LOXHD1: variants seen among roughly 807,000 people sequenced by gnomAD.
LOXHD1 encodes the protein lipoxygenase homology domain-containing protein 1.
Under a neutral mutation model 248.2 loss-of-function variants are expected in LOXHD1, and 205 were observed. The observed-to-expected ratio is 0.83, with a 90% confidence interval of 0.74 to 0.93. LOXHD1 has a LOEUF of 0.93. Among genes scored for constraint, LOXHD1 ranks in the 40% least tolerant of loss-of-function variants. The probability of loss-of-function intolerance (pLI) is 0.00; values close to 1 mark genes in which losing one functional copy is unlikely to be tolerated. For synonymous variants in LOXHD1, 1,113 were observed against 1,162.8 expected, an observed-to-expected ratio of 0.96 and a Z score of 0.87; for missense variants, 2,930 against 2,971.6, an observed-to-expected ratio of 0.99 and a Z score of 0.33.
chr18:46,559,876 G>A (rs2037475063), intron 19 of LOXHD1, among the ~76,000 whole-genome samples: 1 of 152,208 alleles, frequency 6.6e-6, no homozygotes, highest in Admixed American at 6.5e-5. Context: ...GAGAACCTCA[G>A]AACAAGCGCC....
chr18:46,632,593 T>G lies in LOXHD1; in HGVS notation c.511+7023A>C, dbSNP rs1285414733. ...GCCATTCCCGGCAGGATGGAAGAAATCCACCAGGAAGACAGTCACACACAT... is the reference window on the plus strand; with the variant it reads ...GCCATTCCCGGCAGGATGGAAGAAAGCCACCAGGAAGACAGTCACACACAT... On this transcript the variant is annotated intron_variant, in intron 4 of 40. Coordinates refer to ENST00000642948, the MANE Select transcript of LOXHD1 (RefSeq NM_001384474.1). Among the ~76,000 whole-genome samples the G allele has an allele frequency of 2.0e-5, 3 of 151,940 alleles. No homozygotes were observed. The East Asian group carries it at 5.8e-4, about 30-fold the overall frequency.
chr18:46,560,043 GCCAC>G, intron 19 of LOXHD1, 36 bp downstream of exon 19: 2 of 1,401,422 alleles, frequency 1.4e-6, no homozygotes, highest in Non-Finnish European at 2.0e-6. Flanking sequence ...GAACTGTCTG[GCCAC>G]TCCCTCCCCA....
At chr18:46,650,912 C>T (rs2039102641) in intron 1 of LOXHD1, among the ~76,000 whole-genome samples, 1 of 152,156 alleles carries the variant, frequency 6.6e-6, no homozygotes, top group African/African-American at 2.4e-5. Context: ...GTGCCAGCCT[C>T]TCTGTAACAC....
chr18:46,577,342 A>T (rs1469397030), intron 14 of LOXHD1, among the ~76,000 whole-genome samples: 1 of 152,050 alleles, frequency 6.6e-6, no homozygotes, highest in Non-Finnish European at 1.5e-5. Context: ...TATTTAAATT[A>T]AAAAAAAACT....
intron 37 of LOXHD1, among the ~76,000 whole-genome samples, chr18:46,503,782 G>A (rs905703923): frequency 3.9e-5 from 6 of 152,266 alleles, no homozygotes; most frequent in African/African-American, 7.2e-5. Flanking sequence ...AGACTAACCC[G>A]GATACACCCT....
At chr18:46,487,002 G>T (rs138763912) in intron 38 of LOXHD1, among the ~76,000 whole-genome samples, 1 of 152,202 alleles carries the variant, frequency 6.6e-6, no homozygotes, top group Non-Finnish European at 1.5e-5. Context: ...TTTGTTCACA[G>T]GTTGCTGGGA....
At chr18:46,494,329 A>C (rs1189959271) in intron 37 of LOXHD1, among the ~76,000 whole-genome samples, 1 of 152,220 alleles carries the variant, frequency 6.6e-6, no homozygotes, top group Non-Finnish European at 1.5e-5. Context: ...TTTACTTTCT[A>C]AAGTGAACTG....
chr18:46,630,559 G>C (rs905146614), intron 4 of LOXHD1, among the ~76,000 whole-genome samples: 1 of 152,108 alleles, frequency 6.6e-6, no homozygotes, highest in South Asian at 2.1e-4. Flanking sequence ...ATCTTATCAG[G>C]CCTTGCCTAA....
At chr18:46,564,337 A>G (rs563236708) in intron 17 of LOXHD1, among the ~76,000 whole-genome samples, 25 of 152,280 alleles carry the variant, frequency 1.6e-4, no homozygotes, top group African/African-American at 6.0e-4. Flanking sequence ...CAGCCTGGGC[A>G]ACACAACAAG....
At chr18:46,478,908 G>A (rs954867047) in intron 40 of LOXHD1, among the ~76,000 whole-genome samples, 1 of 152,046 alleles carries the variant, frequency 6.6e-6, no homozygotes, top group African/African-American at 2.4e-5. Flanking sequence ...ATGCTTCCCA[G>A]GCTAATCTTA....
chr18:46,502,683 G>A (rs995882347), intron 37 of LOXHD1, among the ~76,000 whole-genome samples: 13 of 152,116 alleles, frequency 8.5e-5, no homozygotes, highest in Admixed American at 5.9e-4. Flanking sequence ...TTTCTACAGA[G>A]TATGGTCCTT....
At chr18:46,544,295 T>C (rs532196253) in intron 23 of LOXHD1, among the ~76,000 whole-genome samples, 5 of 152,340 alleles carry the variant, frequency 3.3e-5, no homozygotes, top group Non-Finnish European at 4.4e-5. Flanking sequence ...GGACAGGTCT[T>C]AGTCCCTTCC....
At chr18:46,572,033 G>T in intron 15 of LOXHD1, 53 bp downstream of exon 15, 1 of 1,437,390 alleles carries the variant, frequency 7.0e-7, no homozygotes. Flanking sequence ...GCTGAGGGAA[G>T]GCCCCTGTCT....
chr18:46,651,147 CAGG>C (rs1478234244), intron 1 of LOXHD1, among the ~76,000 whole-genome samples: 1 of 152,218 alleles, frequency 6.6e-6, no homozygotes, highest in Non-Finnish European at 1.5e-5. Context: ...AGAAGCCCTG[CAGG>C]AGACCTCTCA....
intron 25 of LOXHD1, 100 bp downstream of exon 25, chr18:46,541,676 C>A: frequency 1.5e-6 from 2 of 1,374,796 alleles, no homozygotes; most frequent in Non-Finnish European, 2.0e-6. Context: ...CAAGGTGGGC[C>A]TGGCCCACAG....
intron 38 of LOXHD1, among the ~76,000 whole-genome samples, chr18:46,486,417 C>A (rs1484084085): frequency 6.6e-6 from 1 of 152,192 alleles, no homozygotes. Flanking sequence ...GGAGAAATCT[C>A]TGCTACCTGA....
chr18:46,492,473 A>G (rs1199737302), intron 37 of LOXHD1, among the ~76,000 whole-genome samples: 1 of 152,230 alleles, frequency 6.6e-6, no homozygotes, highest in Non-Finnish European at 1.5e-5. Flanking sequence ...TGAAACCATC[A>G]GATCTTGTGA....
intron 4 of LOXHD1, among the ~76,000 whole-genome samples, chr18:46,634,938 C>T (rs977317508): frequency 3.3e-5 from 5 of 152,052 alleles, no homozygotes; most frequent in Non-Finnish European, 7.4e-5. Flanking sequence ...GTGAAGGTGG[C>T]AAATTTTATG....
chr18:46,563,210 A>G lies in LOXHD1; in HGVS notation c.2453T>C (p.Val818Ala), dbSNP rs1344528639. Residue 818 changes from valine to alanine, a missense_variant, in exon 18 of 41, where the codon GTT becomes GCT. Coordinates refer to ENST00000642948, the MANE Select transcript of LOXHD1 (RefSeq NM_001384474.1). ...ACCCACATCTCCTGTCCAAATCTCA[A>G]CCTCATAGTGGACCACTGGGTGGGC... The part of the protein sequence containing the change: ...VEIQKLVHYE[V>A]EIWTGDVGGA... The G allele has an allele frequency of 2.7e-6, 4 of 1,509,166 alleles. No individual in the cohort carries two copies. Among genetic ancestry groups the G allele is most frequent in the African/African-American group, 1.4e-5 (1 of 72,382 alleles). 93.5% of individuals were successfully genotyped at this position (1,509,166 alleles called of 1,614,324 possible). A position where few individuals can be genotyped will look rare whatever the true frequency, so the allele number is the denominator to read the frequency against.
Sources: gnomAD v4.1 joint callset for allele counts (sites outside exome capture counted in the v4.1 genomes callset) on GRCh38, gnomAD v4.1.1 for gene constraint, MANE v1.5 for transcripts, NCBI Gene and HGNC (gene_info 2026-07-23, HGNC 2026-07-21) for gene names.